The following ZNF687 variants were observed in gnomAD, a reference collection of about 807,000 sequenced individuals.
ZNF687 encodes the protein zinc finger protein 687.
ZNF687 carries 13 observed loss-of-function variants against 71.8 expected under a neutral mutation model. The ratio of observed to expected loss-of-function variants is 0.18; its 90% CI spans 0.12 to 0.29. The LOEUF is 0.29. ZNF687 is among the 10% of genes least tolerant of loss of function. The pLI is 1.00. For missense variants in ZNF687, 1,412 were observed against 1,625.6 expected, an observed-to-expected ratio of 0.87 and a Z score of 2.26; for synonymous variants, 673 against 641.6, an observed-to-expected ratio of 1.05 and a Z score of -0.74.
At position 151,286,818 on chromosome 1, in the gene ZNF687, C is replaced by T. The variant is rs61739618; in HGVS notation, c.527C>T (p.Pro176Leu). The T allele has an allele frequency of 2.2e-4, 360 of 1,614,226 alleles. No individual in the cohort carries two copies. In the African/African-American group the frequency reaches 3.8e-3, roughly 17 times the overall value. The stretch of plus-strand genomic sequence containing the variant: ...CCTGAGCCAGGGGACCACTCAGATC[C>T]GCTGCCTCCCTCTGCACCCTCTCCC... Reference protein sequence around the residue: ...FGPEPGDHSDPLPPSAPSPTR... With the variant: ...FGPEPGDHSDLLPPSAPSPTR... Residue 176 changes from proline to leucine, a missense_variant, in exon 2 of 9, where the codon CCG becomes CTG. Coordinates refer to ENST00000336715, the MANE Select transcript of ZNF687 (RefSeq NM_020832.3).
Position 151,289,799 on chromosome 1 carries a change from C to T in ZNF687, c.2756C>T (p.Thr919Ile). The change falls in exon 6 of 9, where the codon ACT becomes ATT. Residue 919 changes from threonine to isoleucine, a missense_variant. This residue lies in a region of ZNF687 where 135 missense variants were observed against 104.1 expected (regional missense o/e 1.30). Transcript: ENST00000336715. ...TCTCAGGGAGGGGCAGCCCCTGCTA[C>T]TGAGGAGTCGTCTTCATCTTCAGAA... is the stretch of plus-strand genomic sequence containing the variant. Reference protein sequence around the residue: ...AVSQGGAAPATEESSSSSEEE... With the variant: ...AVSQGGAAPAIEESSSSSEEE... 5 of 1,565,154 alleles carry T rather than the reference C, an allele frequency of 3.2e-6. No homozygotes were observed. The highest frequency in any genetic ancestry group is 2.6e-6 in the Non-Finnish European group (3 of 1,154,276).
In ZNF687 at chr1:151,285,579, A is replaced by C. The variant is rs1393355222; in HGVS notation, c.-17-696A>C. On this transcript the variant is annotated intron_variant, in intron 1 of 8. Transcript: ENST00000336715. ...CAGGTGTGTGCTGCCATGCCCAGCT[A>C]ATTTTTGTATTTTTAGTAGAGACGG... The C allele has an allele frequency of 1.3e-5, 2 of 151,842 alleles. 1 individual carries two copies. Among genetic ancestry groups the C allele is most frequent in the African/African-American group, 4.8e-5 (2 of 41,290 alleles). The allele number at this position is 151,842 out of a possible 1,614,324, so 9.4% of individuals were successfully genotyped here.
At chr1:151,281,542 C>T (rs1450771062), upstream of ZNF687, 1 of 471,240 alleles carries the variant, frequency 2.1e-6, no homozygotes, top group Non-Finnish European at 4.4e-6. Context: ...CCCTTCCCAA[C>T]CTTTAGGTCC....
rs1162355023 is a variant in ZNF687 at position 151,289,998 on chromosome 1, G to C, written c.2955G>C (p.Glu985Asp). 1.9e-6 allele frequency: 3 copies of C among 1,584,622 alleles called. No homozygotes were observed. The highest frequency in any genetic ancestry group is 8.6e-7 in the Non-Finnish European group (1 of 1,162,962). The change falls in exon 6 of 9, where the codon GAG becomes GAC. Residue 985 changes from glutamate (E) to aspartate (D), a missense_variant. Around this residue, in one of 8 missense-constraint regions of ZNF687, gnomAD observed 284 missense variants for 359.2 expected, o/e 0.79. Coordinates refer to ENST00000336715, the MANE Select transcript of ZNF687 (RefSeq NM_020832.3). ...RDEYVAHMKKEHGKSVKKFPC... is the reference protein window; with the variant it reads ...RDEYVAHMKKDHGKSVKKFPC... ...AATACGTGGCCCACATGAAGAAGGAGCATGGCAAGGTGAGTGGGCCCCAAG... is the reference window on the plus strand; with the variant it reads ...AATACGTGGCCCACATGAAGAAGGACCATGGCAAGGTGAGTGGGCCCCAAG...
rs1188576059 is a variant in ZNF687 at position 151,288,091 on chromosome 1, G to A, written c.1800G>A (p.Arg600=). 2 of 1,613,988 alleles carry A rather than the reference G, an allele frequency of 1.2e-6. No individual in the cohort carries two copies. The highest frequency in any genetic ancestry group is 1.7e-5 in the Admixed American group (1 of 60,032). Residue 600 remains arginine, a synonymous_variant, in exon 2 of 9, where the codon AGG becomes AGA. Coordinates refer to ENST00000336715, the MANE Select transcript of ZNF687 (RefSeq NM_020832.3). The part of the protein sequence containing the change: ...LVMQCSHLVM[R]PVALDQMVGQ... Reference sequence around the variant, plus strand: ...TGCAGTGCTCACATTTGGTCATGAGGCCTGTAGCCCTTGACCAGATGGTGG... The same window carrying A: ...TGCAGTGCTCACATTTGGTCATGAGACCTGTAGCCCTTGACCAGATGGTGG...
Position 151,286,264 on chromosome 1 carries a change from G to A in ZNF687, c.-17-11G>A. On this transcript the variant is annotated splice_polypyrimidine_tract_variant and intron_variant, in intron 1 of 8. Transcript: ENST00000336715. ...ATCTCAGTTTCTCCTCCTCGTTCCTGTTTTCATCAGGTCTGGGATCTGCCG... is the reference window on the plus strand; with the variant it reads ...ATCTCAGTTTCTCCTCCTCGTTCCTATTTTCATCAGGTCTGGGATCTGCCG... 13 of 1,520,490 alleles carry A rather than the reference G, an allele frequency of 8.5e-6. No homozygotes were observed. Among genetic ancestry groups the A allele is most frequent in the Non-Finnish European group, 1.1e-5 (12 of 1,135,870 alleles). 94.2% of individuals were successfully genotyped at this position (1,520,490 alleles called of 1,614,324 possible). A position where few individuals can be genotyped will look rare whatever the true frequency, so the allele number is the denominator to read the frequency against.
chr1:151,282,444 G>T (rs1693752102), intron 1 of ZNF687, 49 bp downstream of exon 1: 1 of 983,842 alleles, frequency 1.0e-6, no homozygotes, highest in Non-Finnish European at 1.2e-6. Context: ...CCCCCTTGGG[G>T]GGGGCGGGTA....
rs754396558 is a variant in ZNF687 at position 151,289,282 on chromosome 1, G to A, written c.2471+11G>A. On this transcript the variant is annotated intron_variant, in intron 4 of 8. Coordinates refer to ENST00000336715, the MANE Select transcript of ZNF687 (RefSeq NM_020832.3). ...AACTCAGCAGGCCAAGTGAGGCCCG[G>A]GGGAGGGCCGGGCTGGGCCAGGGAG... 1 of 1,613,272 alleles carries A rather than the reference G, an allele frequency of 6.2e-7. No homozygotes were observed. Among genetic ancestry groups the A allele is most frequent in the Non-Finnish European group, 8.5e-7 (1 of 1,179,514 alleles).
At chr1:151,283,400 A>G (rs1212534030) in intron 1 of ZNF687, 1 of 776,154 alleles carries the variant, frequency 1.3e-6, no homozygotes, top group African/African-American at 1.9e-5. Context: ...CCACAGAGGG[A>G]AAGGGGGCGG....
Position 151,288,601 on chromosome 1 carries a change from G to T in ZNF687, c.2189G>T (p.Arg730Leu). The T allele has an allele frequency of 1.2e-6, 2 of 1,613,994 alleles. No homozygotes were observed. The highest frequency in any genetic ancestry group is 2.2e-5 in the South Asian group (2 of 91,078). ...FSAHQRMHKN[R>L]PPHVCPECGG... ...GCCCACCAGCGCATGCATAAGAATCGACCCCCCCATGTCTGTCCTGAGTGT... is the reference window on the plus strand; with the variant it reads ...GCCCACCAGCGCATGCATAAGAATCTACCCCCCCATGTCTGTCCTGAGTGT... Residue 730 changes from arginine to leucine, a missense_variant, in exon 3 of 9, where the codon CGA (arginine) becomes CTA (leucine). By Grantham distance (102) the Arg-to-Leu change is moderately radical (BLOSUM62 -2). Around this residue, in one of 8 missense-constraint regions of ZNF687, gnomAD observed 207 missense variants for 239.2 expected, o/e 0.87. Coordinates refer to ENST00000336715, the MANE Select transcript of ZNF687 (RefSeq NM_020832.3).
rs139287742 is a variant in ZNF687, at chr1:151,290,569, C to T, written c.3215C>T (p.Ala1072Val). The T allele has an allele frequency of 6.2e-7, 1 of 1,612,800 alleles. No individual in the cohort carries two copies. The highest frequency in any genetic ancestry group is 1.7e-5 in the Admixed American group (1 of 59,934). The change falls in exon 8 of 9, where the codon GCC (alanine) becomes GTC (valine). Residue 1072 changes from alanine to valine, a missense_variant. Around this residue, in one of 8 missense-constraint regions of ZNF687, gnomAD observed 284 missense variants for 359.2 expected, o/e 0.79. Transcript: ENST00000336715. ...TTLARGSSAR[A>V]QGPGRKRRQS... The stretch of plus-strand genomic sequence containing the variant: ...TTGGCTCGGGGTTCCAGTGCCAGAG[C>T]CCAGGTAGGCAGAGGCCCGGCCTGC...
chr1:151,286,725 G>C lies in ZNF687; in HGVS notation c.434G>C (p.Ser145Thr). Residue 145 changes from serine to threonine, a missense_variant, in exon 2 of 9, where the codon AGT becomes ACT. This residue lies in a region of ZNF687 where 490 missense variants were observed against 489.9 expected (regional missense o/e 1.00). Coordinates refer to ENST00000336715, the MANE Select transcript of ZNF687 (RefSeq NM_020832.3). ...ACTCCCCACTCTCCTGCTCCTCCCA[G>C]TGGGGGCACCTGGAAAGAAAAAGGC... The part of the protein sequence containing the change: ...PGTPHSPAPP[S>T]GGTWKEKGME... 3.7e-6 allele frequency: 6 copies of C among 1,614,222 alleles called. No individual in the cohort carries two copies. Among genetic ancestry groups the C allele is most frequent in the Non-Finnish European group, 5.1e-6 (6 of 1,180,038 alleles).
At chr1:151,290,255 C>T (rs1694161834) in intron 7 of ZNF687, 21 bp downstream of exon 7, 6 of 1,612,744 alleles carry the variant, frequency 3.7e-6, no homozygotes, top group East Asian at 2.2e-5. Flanking sequence ...CTCCCCGCTT[C>T]CTCTTCCTGC....
At chr1:151,282,213 G>A (rs1693739072), upstream of ZNF687, 2 of 1,045,104 alleles carry the variant, frequency 1.9e-6, no homozygotes, top group Non-Finnish European at 2.4e-6. Context: ...CGGGGGCAAG[G>A]GCCAATGGCG....
chr1:151,285,327 ATTATTTGG>A (rs1693898047), intron 1 of ZNF687: 2 of 151,986 alleles, frequency 1.3e-5, no homozygotes, highest in Non-Finnish European at 2.9e-5. Flanking sequence ...AATAGTATTG[ATTATTTGG>A]TTCTATGCTG....
Position 151,286,835 on chromosome 1 carries a change from C to T in ZNF687, c.544C>T (p.Pro182Ser). The change falls in exon 2 of 9, where the codon CCC (proline) becomes TCC (serine). Residue 182 changes from proline (P) to serine (S), a missense_variant. Physicochemically the swap from Pro to Ser is moderately conservative, Grantham distance 74. Coordinates refer to ENST00000336715, the MANE Select transcript of ZNF687 (RefSeq NM_020832.3). ...DHSDPLPPSA[P>S]SPTREGALTP... ...CTCAGATCCGCTGCCTCCCTCTGCA[C>T]CCTCTCCCACTCGGGAGGGGGCTCT... is the stretch of plus-strand genomic sequence containing the variant. The T allele has an allele frequency of 3.7e-6, 6 of 1,614,108 alleles. No individual in the cohort carries two copies. Among genetic ancestry groups the T allele is most frequent in the Non-Finnish European group, 5.1e-6 (6 of 1,179,972 alleles).
Position 151,287,738 on chromosome 1 carries a change from A to G in ZNF687, c.1447A>G (p.Ser483Gly). The change falls in exon 2 of 9, where the codon AGT (serine) becomes GGT (glycine). Residue 483 changes from serine to glycine, a missense_variant. Physicochemically the swap from Ser to Gly is moderately conservative, Grantham distance 56. Coordinates refer to ENST00000336715, the MANE Select transcript of ZNF687 (RefSeq NM_020832.3). The surrounding 1 kb of genome is among the most constrained non-coding windows in gnomAD (Gnocchi z 5.0). ...ACCTTCAAAGACAGCTACTGGGCCA[A>G]GTACAGGGGGCGGCACAGTGATATC... The part of the protein sequence containing the change: ...VQPSKTATGP[S>G]TGGGTVISRT... 6.2e-7 allele frequency: 1 copy of G among 1,613,974 alleles called. No homozygotes were observed. The highest frequency in any genetic ancestry group is 8.5e-7 in the Non-Finnish European group (1 of 1,179,964).
Position 151,287,181 on chromosome 1 carries a change from C to T in ZNF687, c.890C>T (p.Ser297Phe). Residue 297 changes from serine to phenylalanine, a missense_variant, in exon 2 of 9, where the codon TCT becomes TTT. Transcript: ENST00000336715. The surrounding 1 kb of genome is among the most constrained non-coding windows in gnomAD (Gnocchi z 5.0). ...EDDDEGPVDK[S>F]SPGSPQSPSS... The stretch of plus-strand genomic sequence containing the variant: ...GATGATGAGGGGCCAGTGGACAAGT[C>T]TTCCCCAGGAAGTCCCCAGAGTCCC... 6.2e-7 allele frequency: 1 copy of T among 1,614,208 alleles called. No individual in the cohort carries two copies. Among genetic ancestry groups the T allele is most frequent in the Middle Eastern group, 1.6e-4 (1 of 6,062 alleles).
rs1247936118 is a variant in ZNF687 at position 151,287,447 on chromosome 1, G to T, written c.1156G>T (p.Val386Leu). ...ATPTSEGPKV[V>L]SVQLGDGTRL... ...ACCTACTTCTGAGGGTCCAAAGGTG[G>T]TGAGCGTACAGTTGGGTGATGGTAC... The change falls in exon 2 of 9, where the codon GTG (valine) becomes TTG (leucine). Residue 386 changes from valine (V) to leucine (L), a missense_variant. Physicochemically the swap from Val to Leu is conservative, Grantham distance 32 (BLOSUM62 1). Around this residue, in one of 8 missense-constraint regions of ZNF687, gnomAD observed 490 missense variants for 489.9 expected, o/e 1.00. Transcript: ENST00000336715. The surrounding 1 kb of genome is among the most constrained non-coding windows in gnomAD (Gnocchi z 5.0). 3 of 1,614,094 alleles carry T rather than the reference G, an allele frequency of 1.9e-6. No individual in the cohort carries two copies. The African/African-American group carries it at 4.0e-5, about 22-fold the overall frequency.
Sources: allele counts gnomAD v4.1 joint callset, GRCh38; gene constraint gnomAD v4.1.1; regional missense constraint gnomAD v4.1.1; non-coding constraint Gnocchi (gnomAD v3.1); transcripts MANE v1.5; gene names NCBI Gene and HGNC (gene_info 2026-07-23, HGNC 2026-07-21).